KCNQ5: variants seen among roughly 807,000 people sequenced by gnomAD.
KCNQ5 encodes potassium voltage-gated channel subfamily KQT member 5.
Under a neutral mutation model 98.2 loss-of-function variants are expected in KCNQ5, and 30 were observed. The observed-to-expected ratio is 0.31, with a 90% CI of 0.23 to 0.41. The LOEUF (loss-of-function observed/expected upper bound fraction) is 0.41, where lower values mean the gene tolerates loss of function less well. Among genes scored for constraint, KCNQ5 ranks in the 10% least tolerant of loss-of-function variants. The pLI, the probability that KCNQ5 is intolerant of heterozygous loss-of-function variation, is 1.00. For synonymous variants in KCNQ5, 458 were observed against 449.4 expected (o/e 1.02, Z -0.24); for missense variants, 835 against 1,182.5 (o/e 0.71, Z 4.31).
intron 5 of KCNQ5, among the ~76,000 whole-genome samples, chr6:73,101,504 A>G (rs1231747604): frequency 6.6e-6 from 1 of 152,180 alleles, no homozygotes; most frequent in Non-Finnish European, 1.5e-5. Context: ...ATTTGGAAAA[A>G]CCTAGAGTCC....
intron 1 of KCNQ5, among the ~76,000 whole-genome samples, chr6:72,676,313 T>C (rs1050809697): frequency 6.7e-6 from 1 of 148,706 alleles, no homozygotes; most frequent in African/African-American, 2.5e-5. Context: ...TCTCCCTTTT[T>C]CTTGGATTAT....
intron 1 of KCNQ5, among the ~76,000 whole-genome samples, chr6:72,782,238 T>G (rs1011722139): frequency 1.3e-5 from 2 of 150,432 alleles, no homozygotes; most frequent in Admixed American, 1.3e-4. Flanking sequence ...GACAATCTTA[T>G]GCACCCTCTC....
chr6:72,722,777 T>G (rs1028974219), intron 1 of KCNQ5, among the ~76,000 whole-genome samples: 3 of 151,636 alleles, frequency 2.0e-5, no homozygotes, highest in African/African-American at 4.9e-5. Context: ...TTAAGCATGA[T>G]AATAATTATA....
intron 1 of KCNQ5, among the ~76,000 whole-genome samples, chr6:72,888,904 T>G (rs563799479): frequency 6.6e-6 from 1 of 152,146 alleles, no homozygotes; most frequent in Non-Finnish European, 1.5e-5. Context: ...GAAGAAAAAA[T>G]TCCCTATCTT....
chr6:72,809,533 T>C (rs1344035152), intron 1 of KCNQ5, among the ~76,000 whole-genome samples: 1 of 151,156 alleles, frequency 6.6e-6, no homozygotes, highest in Non-Finnish European at 1.5e-5. Context: ...GCCTGGGTGA[T>C]GGAGTGAGAC....
At chr6:73,095,891 G>A (rs11964424) in intron 5 of KCNQ5, among the ~76,000 whole-genome samples, 11,821 of 152,096 alleles carry the variant, frequency 0.078, 816 homozygotes, top group African/African-American at 0.18. Context: ...TCGTTTTAAA[G>A]GCAGACTTTG....
intron 3 of KCNQ5, among the ~76,000 whole-genome samples, chr6:73,065,100 C>T (rs141918878): frequency 1.6e-4 from 24 of 152,106 alleles, no homozygotes; most frequent in African/African-American, 5.3e-4. Flanking sequence ...ACCTTTCCCC[C>T]AGACTCCAGC....
intron 1 of KCNQ5, among the ~76,000 whole-genome samples, chr6:72,950,936 T>C (rs1297223038): frequency 4.6e-5 from 7 of 152,200 alleles, no homozygotes; most frequent in Non-Finnish European, 8.8e-5. Flanking sequence ...TTAGATTAGA[T>C]ATCTGATCCC....
At chr6:73,159,811 T>C (rs558799214) in intron 10 of KCNQ5, among the ~76,000 whole-genome samples, 1 of 152,354 alleles carries the variant, frequency 6.6e-6, no homozygotes, top group South Asian at 2.1e-4. Context: ...CTTTTTTATA[T>C]TTTGGAATTC....
chr6:72,894,163 C>CCCTTT (rs1274771338), intron 1 of KCNQ5, among the ~76,000 whole-genome samples: 49 of 152,300 alleles, frequency 3.2e-4, no homozygotes, highest in African/African-American at 1.2e-3. Context: ...TTTATCATCT[C>CCCTTT]TATTGACTCA....
At chr6:72,842,214 A>G (rs56039530) in intron 1 of KCNQ5, among the ~76,000 whole-genome samples, 1 of 152,198 alleles carries the variant, frequency 6.6e-6, no homozygotes, top group East Asian at 1.9e-4. Flanking sequence ...AATGACTTCC[A>G]CAATGAGAGA....
intron 7 of KCNQ5, 99 bp from the exon 8 acceptor site, chr6:73,120,384 G>T: frequency 2.5e-6 from 2 of 815,626 alleles, no homozygotes; most frequent in Non-Finnish European, 3.7e-6. Flanking sequence ...AGAGGCAAAA[G>T]ATTCTTCATG....
At position 73,192,612 on chromosome 6, in the gene KCNQ5, G is replaced by A. The variant is rs774521029; in HGVS notation, c.1757G>A (p.Ser586Asn). Residue 586 changes from serine (S) to asparagine (N), a missense_variant, in exon 13 of 14, where the codon AGC (serine) becomes AAC (asparagine). By Grantham distance (46) the Ser-to-Asn change is conservative. Transcript: ENST00000370398. ...GGGCAAATCACATCAGATAAGAAGA[G>A]CCGAGAGAAAATAACAGCAGAACAT... ...GKGQITSDKK[S>N]REKITAEHET... The A allele has an allele frequency of 1.1e-5, 17 of 1,612,136 alleles. No homozygotes were observed. The highest frequency in any genetic ancestry group is 1.4e-5 in the Non-Finnish European group (17 of 1,179,086).
chr6:72,810,258 T>A (rs1582334713), intron 1 of KCNQ5, among the ~76,000 whole-genome samples: 1 of 152,202 alleles, frequency 6.6e-6, no homozygotes, highest in Non-Finnish European at 1.5e-5. Context: ...TTTGGTAAAC[T>A]TTGTTACTCA....
intron 1 of KCNQ5, among the ~76,000 whole-genome samples, chr6:72,650,699 G>A (rs376087740): frequency 3.3e-5 from 5 of 152,094 alleles, no homozygotes; most frequent in African/African-American, 1.2e-4. Context: ...TATTAGTATA[G>A]GGTCTTGTTT....
chr6:72,742,154 G>A (rs1046364143), intron 1 of KCNQ5, among the ~76,000 whole-genome samples: 4 of 152,176 alleles, frequency 2.6e-5, no homozygotes, highest in East Asian at 1.9e-4. Context: ...GTGGTCGGGG[G>A]AAGGGTTAAG....
intron 1 of KCNQ5, among the ~76,000 whole-genome samples, chr6:72,733,742 G>A (rs1770675386): frequency 6.6e-6 from 1 of 152,220 alleles, no homozygotes; most frequent in Admixed American, 6.5e-5. Context: ...AAGTGCTGGG[G>A]AGGACAGCAA....
In KCNQ5 at chr6:73,041,951, G is replaced by A. The variant is rs1352375012; in HGVS notation, c.505G>A (p.Val169Ile). 6.2e-7 allele frequency: 1 copy of A among 1,613,708 alleles called. No individual in the cohort carries two copies. Among genetic ancestry groups the A allele is most frequent in the Non-Finnish European group, 8.5e-7 (1 of 1,179,770 alleles). Residue 169 changes from valine (V) to isoleucine (I), a missense_variant, in exon 3 of 14, where the codon GTC (valine) becomes ATC (isoleucine). Physicochemically the swap from Val to Ile is conservative, Grantham distance 29. Transcript: ENST00000370398. ...CLLILEFVMI[V>I]VFGLEFIIRI... ...GATATTTTAGGAGTTCGTGATGATT[G>A]TCGTCTTTGGTTTGGAGTTCATCAT...
intron 1 of KCNQ5, among the ~76,000 whole-genome samples, chr6:72,650,696 A>G (rs1765832350): frequency 6.6e-6 from 1 of 152,148 alleles, no homozygotes; most frequent in Non-Finnish European, 1.5e-5. Context: ...ATGTATTAGT[A>G]TAGGGTCTTG....
Sources: gnomAD v4.1 joint callset for allele counts (sites outside exome capture counted in the v4.1 genomes callset) on GRCh38, gnomAD v4.1.1 for gene constraint, MANE v1.5 for transcripts, NCBI Gene and HGNC (gene_info 2026-07-23, HGNC 2026-07-21) for gene names.